The following NOL10 variants were observed in gnomAD, a reference collection of about 807,000 sequenced individuals.
NOL10 encodes nucleolar protein 10.
Under a neutral mutation model 103.5 loss-of-function variants are expected in NOL10, and 58 were observed. The ratio of observed to expected loss-of-function variants is 0.56; its 90% CI spans 0.45 to 0.70. The LOEUF (loss-of-function observed/expected upper bound fraction) is 0.70, where lower values mean the gene tolerates loss of function less well. Ranked by LOEUF, NOL10 falls within the 30% of genes least tolerant of loss-of-function variation. The pLI is 0.00. For synonymous variants in NOL10, 287 were observed against 282.5 expected (o/e 1.02, Z -0.16); for missense variants, 763 against 807.3 (o/e 0.95, Z 0.67).
At chr2:10,619,857 T>A (rs1677036572) in intron 13 of NOL10, among the ~76,000 whole-genome samples, 1 of 152,202 alleles carries the variant, frequency 6.6e-6, no homozygotes, top group Non-Finnish European at 1.5e-5. Flanking sequence ...ACACTTGAAT[T>A]CCAGTGCAGT....
chr2:10,624,037 CTG>C (rs1037842114), intron 13 of NOL10, among the ~76,000 whole-genome samples: 3 of 152,122 alleles, frequency 2.0e-5, no homozygotes, highest in Non-Finnish European at 2.9e-5. Flanking sequence ...TACCTCCTTC[CTG>C]TGTGATCTCT....
intron 13 of NOL10, among the ~76,000 whole-genome samples, chr2:10,615,086 G>GT (rs1188792863): frequency 1.3e-5 from 2 of 152,214 alleles, no homozygotes; most frequent in Non-Finnish European, 2.9e-5. Flanking sequence ...CCTTAAGCAT[G>GT]TAATTGCATT....
chr2:10,613,416 C>A (rs12995602), intron 13 of NOL10, among the ~76,000 whole-genome samples: 90,015 of 152,038 alleles, frequency 0.59, 27,651 homozygotes, highest in African/African-American at 0.74. Flanking sequence ...AGTGCCAAAA[C>A]AGAAATTTTT....
chr2:10,689,138 G>A (rs1682432262), intron 1 of NOL10, among the ~76,000 whole-genome samples: 1 of 152,190 alleles, frequency 6.6e-6, no homozygotes, highest in Non-Finnish European at 1.5e-5. Context: ...CAGAGCCTAA[G>A]TGTGTCATGC....
intron 20 of NOL10, 49 bp from the exon 21 acceptor site, chr2:10,572,239 C>T (rs762870490): frequency 6.2e-7 from 1 of 1,602,848 alleles, no homozygotes; most frequent in Non-Finnish European, 8.5e-7. Flanking sequence ...AAATTCTATA[C>T]CTCTTTTCTG....
At chr2:10,592,379 G>A (rs1675434547) in intron 17 of NOL10, among the ~76,000 whole-genome samples, 1 of 152,152 alleles carries the variant, frequency 6.6e-6, no homozygotes, top group South Asian at 2.1e-4. Flanking sequence ...GAGTAAAGGG[G>A]AAGAAATCAC....
At chr2:10,611,541 G>T (rs1676566923) in intron 13 of NOL10, among the ~76,000 whole-genome samples, 1 of 152,226 alleles carries the variant, frequency 6.6e-6, no homozygotes, top group African/African-American at 2.4e-5. Flanking sequence ...CAGCACTTTG[G>T]AAGGCCAAGG....
At chr2:10,596,958 TA>T (rs1295730818) in intron 17 of NOL10, among the ~76,000 whole-genome samples, 1 of 152,176 alleles carries the variant, frequency 6.6e-6, no homozygotes, top group Non-Finnish European at 1.5e-5. Flanking sequence ...GTTGAAAGAA[TA>T]AATACATTCA....
intron 17 of NOL10, among the ~76,000 whole-genome samples, chr2:10,597,803 A>G (rs1189190453): frequency 6.6e-6 from 1 of 152,238 alleles, no homozygotes; most frequent in African/African-American, 2.4e-5. Context: ...GAAGAGCTGA[A>G]GAGAAACTGC....
chr2:10,604,202 G>A (rs1483783243), intron 14 of NOL10, among the ~76,000 whole-genome samples: 3 of 152,270 alleles, frequency 2.0e-5, no homozygotes, highest in South Asian at 4.1e-4. Flanking sequence ...TGTGTGGCCC[G>A]GTTCCTCATA....
intron 12 of NOL10, among the ~76,000 whole-genome samples, chr2:10,651,901 A>C (rs1414560205): frequency 1.3e-5 from 2 of 152,290 alleles, no homozygotes; most frequent in Non-Finnish European, 2.9e-5. Flanking sequence ...GCAAATTATA[A>C]AGTCCAGGGT....
chr2:10,684,856 G>C, intron 1 of NOL10, among the ~76,000 whole-genome samples: 1 of 151,998 alleles, frequency 6.6e-6, no homozygotes, highest in East Asian at 1.9e-4. Flanking sequence ...TTTAGAGACA[G>C]GGTCTCATGC....
chr2:10,643,225 CAG>C (rs2148278877), intron 13 of NOL10, among the ~76,000 whole-genome samples: 1 of 152,296 alleles, frequency 6.6e-6, no homozygotes, highest in Non-Finnish European at 1.5e-5. Context: ...CCCGAAACCA[CAG>C]AGTCAACAGC....
rs1327323957 is a variant in NOL10, at chr2:10,689,955, G to C, written c.-94C>G. On this transcript the variant is annotated 5_prime_UTR_variant, in exon 1 of 21. Transcript: ENST00000381685. ...GACCTCCGAGCCCCTGCTCCGCGGC[G>C]TGCGGCCGCTGGCGCCGACTGATGA... 3.5e-5 allele frequency: 43 copies of C among 1,231,824 alleles called. No individual in the cohort carries two copies. Among genetic ancestry groups the C allele is most frequent in the Non-Finnish European group, 4.5e-5 (39 of 874,476 alleles). 76.3% of individuals were successfully genotyped at this position (1,231,824 alleles called of 1,614,324 possible).
chr2:10,664,630 T>G (rs925260173), intron 8 of NOL10, among the ~76,000 whole-genome samples: 12 of 152,298 alleles, frequency 7.9e-5, no homozygotes, highest in African/African-American at 2.6e-4. Context: ...GCCTCCACCT[T>G]GTAGGCTCAA....
intron 8 of NOL10, among the ~76,000 whole-genome samples, chr2:10,665,790 CA>C (rs1311192845): frequency 1.3e-5 from 2 of 152,208 alleles, no homozygotes; most frequent in Non-Finnish European, 2.9e-5. Context: ...TTGATTTAGA[CA>C]TAACAGTATT....
intron 3 of NOL10, among the ~76,000 whole-genome samples, chr2:10,679,738 G>A (rs1681597082): frequency 6.6e-6 from 1 of 152,052 alleles, no homozygotes; most frequent in African/African-American, 2.4e-5. Context: ...CGATTCTCAT[G>A]CCTCAGCCTC....
intron 1 of NOL10, among the ~76,000 whole-genome samples, chr2:10,688,802 C>G (rs1168351821): frequency 6.6e-6 from 1 of 152,118 alleles, no homozygotes; most frequent in Non-Finnish European, 1.5e-5. Context: ...AATGAATGAA[C>G]AAAATGAGAA....
At position 10,614,402 on chromosome 2, in the gene NOL10, G is replaced by C. The variant is rs1297733057; in HGVS notation, c.1027-7091C>G. ...CCATAGCTCACTGCAGTGAGGCCCT[G>C]GTTCTTTAACAGAAACAACTGGAAC... On this transcript the variant is annotated intron_variant, in intron 13 of 20. Coordinates refer to ENST00000381685, the MANE Select transcript of NOL10 (RefSeq NM_024894.4). Among the ~76,000 whole-genome samples the C allele has an allele frequency of 3.3e-5, 5 of 152,154 alleles. No homozygotes were observed. In the East Asian group the frequency reaches 9.7e-4, roughly 29 times the overall value.
Sources: gnomAD v4.1 joint callset for allele counts (sites outside exome capture counted in the v4.1 genomes callset) on GRCh38, gnomAD v4.1.1 for gene constraint, MANE v1.5 for transcripts, NCBI Gene and HGNC (gene_info 2026-07-23, HGNC 2026-07-21) for gene names.